The following SZT2 variants were observed in gnomAD, a reference collection of about 807,000 sequenced individuals.
SZT2 encodes SZT2 subunit of KICSTOR complex.
A neutral mutation model predicts 404.2 loss-of-function variants in SZT2; 216 were observed. That is an observed-to-expected ratio of 0.53 (90% confidence interval 0.48 to 0.60). SZT2 has a LOEUF of 0.60. Ranked by LOEUF, SZT2 falls within the 20% of genes least tolerant of loss-of-function variation. SZT2 has a pLI of 0.00. For synonymous variants in SZT2, 1,693 were observed against 1,749.9 expected (o/e 0.97, Z 0.81); for missense variants, 3,857 against 4,459.2 (o/e 0.86, Z 3.85).
At chr1:43,431,961 G>C in intron 36 of SZT2, 60 bp downstream of exon 36, 1 of 1,586,752 alleles carries the variant, frequency 6.3e-7, no homozygotes, top group Non-Finnish European at 8.6e-7. Context: ...CTGGGCCCCA[G>C]GCACAGGACT....
At chr1:43,399,757 G>C (rs1390146797) in intron 1 of SZT2, among the ~76,000 whole-genome samples, 1 of 149,858 alleles carries the variant, frequency 6.7e-6, no homozygotes, top group South Asian at 2.1e-4. Context: ...CATGGTGCCC[G>C]GCCACCAGAG....
chr1:43,433,539 T>C (rs1423221322), intron 40 of SZT2, among the ~76,000 whole-genome samples: 1 of 152,212 alleles, frequency 6.6e-6, no homozygotes, highest in African/African-American at 2.4e-5. Flanking sequence ...CCCAGCACTT[T>C]GGGAGGCCGA....
At position 43,441,098 on chromosome 1, in the gene SZT2, C is replaced by T. The variant is rs1432853279; in HGVS notation, c.7345-116C>T. On this transcript the variant is annotated intron_variant, in intron 52 of 71. Coordinates refer to ENST00000634258, the MANE Select transcript of SZT2 (RefSeq NM_001365999.1). This position sits in a 1 kb window ranked among gnomAD's most constrained non-coding sequence, Gnocchi z 4.8. The stretch of plus-strand genomic sequence containing the variant: ...GCTCCTTAGCCAGCCCCTGGGGAAG[C>T]CAGGGTCTGAACCCAGACCTCTGAA... The T allele has an allele frequency of 7.4e-7, 1 of 1,349,050 alleles. No homozygotes were observed. The highest frequency in any genetic ancestry group is 2.3e-5 in the East Asian group (1 of 42,676). The allele number at this position is 1,349,050 out of a possible 1,614,324, so 83.6% of individuals were successfully genotyped here.
chr1:43,437,244 C>T lies in SZT2; in HGVS notation c.6108C>T (p.Phe2036=), dbSNP rs1654552487. 6.2e-7 allele frequency: 1 copy of T among 1,614,058 alleles called. No homozygotes were observed. Among genetic ancestry groups the T allele is most frequent in the South Asian group, 1.1e-5 (1 of 91,084 alleles). ...CAATGCAGTTTGTCCCTGGCCATTT[C>T]TCCTGTGACGTTGTGTGGGGAACTG... The part of the protein sequence containing the change: ...AATMQFVPGH[F]SCDVVWGTVI... Residue 2036 remains phenylalanine (F), a synonymous_variant, in exon 43 of 72, where the codon TTC becomes TTT. Transcript: ENST00000634258. The surrounding 1 kb of genome is among the most constrained non-coding windows in gnomAD (Gnocchi z 5.3).
chr1:43,421,469 G>A (rs947236444), intron 11 of SZT2, among the ~76,000 whole-genome samples, 166 bp downstream of exon 11: 11 of 152,192 alleles, frequency 7.2e-5, no homozygotes, highest in Admixed American at 5.2e-4. Context: ...CTAAGGCCCC[G>A]GGGAAGAGGA....
In SZT2 at chr1:43,389,909, G is replaced by C. The variant is rs1402164738; in HGVS notation, c.-60G>C. On this transcript the variant is annotated 5_prime_UTR_variant, in exon 1 of 72. Transcript: ENST00000634258. Reference sequence around the variant, plus strand: ...TTCCTGCTGGGTGCCGAGGTAGCGAGGTCAGGGGTCAAGAGTGGAACACCC... The same window carrying C: ...TTCCTGCTGGGTGCCGAGGTAGCGACGTCAGGGGTCAAGAGTGGAACACCC... The C allele has an allele frequency of 6.5e-7, 1 of 1,547,956 alleles. No homozygotes were observed. Among genetic ancestry groups the C allele is most frequent in the African/African-American group, 1.4e-5 (1 of 72,682 alleles).
At position 43,434,405 on chromosome 1, in the gene SZT2, G is replaced by T. The variant is rs773506031; in HGVS notation, c.5824G>T (p.Gly1942Trp). The change falls in exon 41 of 72, where the codon GGG becomes TGG. Residue 1942 changes from glycine to tryptophan, a missense_variant. Coordinates refer to ENST00000634258, the MANE Select transcript of SZT2 (RefSeq NM_001365999.1). ...TCCCAGGAGCCTGATTCGGGAGGAT[G>T]GGGGGCCGGGCACTGAGTGTCGCCA... ...AHARSLIRED[G>W]GPGTECRHLQ... is the part of the protein sequence containing the mutation. 3.8e-6 allele frequency: 6 copies of T among 1,595,664 alleles called. No homozygotes were observed. Among genetic ancestry groups the T allele is most frequent in the East Asian group, 2.3e-5 (1 of 44,340 alleles).
chr1:43,452,256 C>T lies in SZT2; in HGVS notation c.*1776C>T, dbSNP rs772673754. The T allele has an allele frequency of 1.2e-6, 2 of 1,614,014 alleles. No homozygotes were observed. Among genetic ancestry groups the T allele is most frequent in the Non-Finnish European group, 1.7e-6 (2 of 1,180,008 alleles). On this transcript the variant is annotated 3_prime_UTR_variant, in exon 72 of 72. Coordinates refer to ENST00000634258, the MANE Select transcript of SZT2 (RefSeq NM_001365999.1). ...TCAGGTTCTCCAGAAAAACGGCCTC[C>T]ATCTCAGCCTTGACTGCTATTCGAT...
chr1:43,451,806 A>G lies in SZT2; in HGVS notation c.*1326A>G. ...TACCCCCTTCCACTTACCATTTGTAATTGGAGGTTGGGTCTTCCTACCTTC... is the reference window on the plus strand; with the variant it reads ...TACCCCCTTCCACTTACCATTTGTAGTTGGAGGTTGGGTCTTCCTACCTTC... On this transcript the variant is annotated 3_prime_UTR_variant, in exon 72 of 72. Transcript: ENST00000634258. The G allele has an allele frequency of 6.2e-7, 1 of 1,614,064 alleles. No homozygotes were observed. Among genetic ancestry groups the G allele is most frequent in the Non-Finnish European group, 8.5e-7 (1 of 1,179,986 alleles).
intron 1 of SZT2, among the ~76,000 whole-genome samples, chr1:43,394,405 T>C (rs990116808): frequency 6.6e-6 from 1 of 152,224 alleles, no homozygotes; most frequent in Non-Finnish European, 1.5e-5. Context: ...TCAGTTGGTC[T>C]GGGGTGGTGC....
At position 43,424,741 on chromosome 1, in the gene SZT2, C is replaced by T. The variant is rs771550866; in HGVS notation, c.2472-43C>T. Reference sequence around the variant, plus strand: ...AGAGCTTGTAGTCTCAGTGTCTCTTCTTCCCTTATCCTGGCCTTGCCCCGG... The same window carrying T: ...AGAGCTTGTAGTCTCAGTGTCTCTTTTTCCCTTATCCTGGCCTTGCCCCGG... On this transcript the variant is annotated intron_variant, in intron 16 of 71. Transcript: ENST00000634258. This position sits in a 1 kb window ranked among gnomAD's most constrained non-coding sequence, Gnocchi z 4.1. 3 of 1,555,420 alleles carry T rather than the reference C, an allele frequency of 1.9e-6. No homozygotes were observed. Among genetic ancestry groups the T allele is most frequent in the Admixed American group, 1.7e-5 (1 of 59,688 alleles).
At chr1:43,421,327 G>A (rs963597002) in intron 11 of SZT2, 24 bp downstream of exon 11, 7 of 1,596,006 alleles carry the variant, frequency 4.4e-6, no homozygotes, top group Non-Finnish European at 5.9e-6. Context: ...AAGTATAGTA[G>A]CCCCATTTCA....
Position 43,441,494 on chromosome 1 carries a change from C to CT in SZT2, c.7512-9dup. 1 of 1,612,554 alleles carries CT rather than the reference C, an allele frequency of 6.2e-7. No homozygotes were observed. Among genetic ancestry groups the CT allele is most frequent in the Non-Finnish European group, 8.5e-7 (1 of 1,179,218 alleles). The stretch of plus-strand genomic sequence containing the variant: ...TATGGACATGAGGCTCTTACTCCCA[C>CT]TGTCTTCAGGCGCCGGACAACACAG... On this transcript the variant is annotated splice_polypyrimidine_tract_variant and intron_variant, in intron 53 of 71. Transcript: ENST00000634258. This position sits in a 1 kb window ranked among gnomAD's most constrained non-coding sequence, Gnocchi z 4.8.
chr1:43,415,110 C>A lies in SZT2; in HGVS notation c.527C>A (p.Pro176His). Residue 176 changes from proline to histidine, a missense_variant, in exon 5 of 72, where the codon CCT becomes CAT. By Grantham distance (77) the Pro-to-His change is moderately conservative. Transcript: ENST00000634258. ...QVLVQGCLLD[P>H]SQREVFLQQI... Reference sequence around the variant, plus strand: ...CTGGTACAGGGCTGCCTCTTGGACCCTTCCCAGCGGGAGGTGTTCCTGCAG... The same window carrying A: ...CTGGTACAGGGCTGCCTCTTGGACCATTCCCAGCGGGAGGTGTTCCTGCAG... 2 of 1,598,062 alleles carry A rather than the reference C, an allele frequency of 1.3e-6. No homozygotes were observed. Among genetic ancestry groups the A allele is most frequent in the South Asian group, 2.2e-5 (2 of 91,044 alleles).
In SZT2 at chr1:43,450,315, A is replaced by G; in HGVS notation, c.10156-22A>G. 1.2e-6 allele frequency: 2 copies of G among 1,613,644 alleles called. No individual in the cohort carries two copies. The highest frequency in any genetic ancestry group is 2.2e-5 in the South Asian group (2 of 91,060). On this transcript the variant is annotated intron_variant, in intron 71 of 71. Transcript: ENST00000634258. This position sits in a 1 kb window ranked among gnomAD's most constrained non-coding sequence, Gnocchi z 4.3. ...ACCCATGCCCTCCTCTCACCAGTGC[A>G]TCCCCACCGTGTTCCCCACAGTCTC...
At position 43,442,058 on chromosome 1, in the gene SZT2, C is replaced by T. The variant is rs144920143; in HGVS notation, c.7801C>T (p.Arg2601Cys). Residue 2601 changes from arginine to cysteine, a missense_variant, in exon 56 of 72, where the codon CGC (arginine) becomes TGC (cysteine). By Grantham distance (180) the Arg-to-Cys change is radical. Around this residue, in one of 7 missense-constraint regions of SZT2, gnomAD observed 573 missense variants for 592.4 expected, o/e 0.97. Coordinates refer to ENST00000634258, the MANE Select transcript of SZT2 (RefSeq NM_001365999.1). The surrounding 1 kb of genome is among the most constrained non-coding windows in gnomAD (Gnocchi z 4.5). Reference protein sequence around the residue: ...CSPGQLGPSPRPAAERHLLLL... With the variant: ...CSPGQLGPSPCPAAERHLLLL... ...CCCTGGGCAACTGGGCCCCTCTCCC[C>T]GCCCTGCAGCTGAGCGGCATCTGCT... 22 of 1,613,984 alleles carry T rather than the reference C, an allele frequency of 1.4e-5. No homozygotes were observed. Among genetic ancestry groups the T allele is most frequent in the African/African-American group, 1.3e-4 (10 of 74,886 alleles).
rs1649943977 is a variant in SZT2 at position 43,403,591 on chromosome 1, T to C, written c.154-10T>C. ...TGATCCTTTCCTTTTCTTTCCATCC[T>C]AATTTTCAGCTTCAGTCTGAACAGG... On this transcript the variant is annotated splice_polypyrimidine_tract_variant and intron_variant, in intron 2 of 71. Transcript: ENST00000634258. 6.2e-7 allele frequency: 1 copy of C among 1,604,886 alleles called. No individual in the cohort carries two copies. Among genetic ancestry groups the C allele is most frequent in the Non-Finnish European group, 8.5e-7 (1 of 1,172,200 alleles).
rs147316342 is a variant in SZT2, at chr1:43,390,341, T to C, written c.27+346T>C. Among the ~76,000 whole-genome samples, 1,210 of 152,368 alleles carry C rather than the reference T, an allele frequency of 7.9e-3. 9 individuals are homozygous for C. The highest frequency in any genetic ancestry group is 0.026 in the East Asian group (133 of 5,192). On this transcript the variant is annotated intron_variant, in intron 1 of 71. Transcript: ENST00000634258. Reference sequence around the variant, plus strand: ...CAACACGGCAGTAGATTTACTTTGCTGGTTTTTGCATTTCTTTAGGCATTG... The same window carrying C: ...CAACACGGCAGTAGATTTACTTTGCCGGTTTTTGCATTTCTTTAGGCATTG...
chr1:43,420,614 GA>G lies in SZT2; in HGVS notation c.1262-132del. The G allele has an allele frequency of 4.2e-6, 4 of 961,428 alleles. No individual in the cohort carries two copies. The highest frequency in any genetic ancestry group is 6.0e-6 in the Non-Finnish European group (4 of 661,298). The allele number at this position is 961,428 out of a possible 1,614,324, so 59.6% of individuals were successfully genotyped here. ...GTGTCAGTGGGCCAACTCTGGGCCTGAAACCTGTGGAACCATGCTTGGAACC... is the reference window on the plus strand; with the variant it reads ...GTGTCAGTGGGCCAACTCTGGGCCTGAACCTGTGGAACCATGCTTGGAACC... On this transcript the variant is annotated intron_variant, in intron 9 of 71. Transcript: ENST00000634258. This position sits in a 1 kb window ranked among gnomAD's most constrained non-coding sequence, Gnocchi z 5.1.
Sources: allele counts gnomAD v4.1 joint callset (sites outside exome capture counted in the v4.1 genomes callset), GRCh38; gene constraint gnomAD v4.1.1; regional missense constraint gnomAD v4.1.1; non-coding constraint Gnocchi (gnomAD v3.1); transcripts MANE v1.5; gene names NCBI Gene and HGNC (gene_info 2026-07-23, HGNC 2026-07-21).